SRGAP3: variants seen among roughly 807,000 people sequenced by gnomAD.
SRGAP3 encodes the protein SLIT-ROBO Rho GTPase activating protein 3, also known as SLIT-ROBO Rho GTPase-activating protein 3.
A neutral mutation model predicts 121.1 loss-of-function variants in SRGAP3; 39 were observed. That is an observed-to-expected ratio of 0.32 (90% CI 0.25 to 0.42). The LOEUF is 0.42. Ranked by LOEUF, SRGAP3 falls within the 10% of genes least tolerant of loss-of-function variation. The pLI, the probability that SRGAP3 is intolerant of heterozygous loss-of-function variation, is 1.00. For synonymous variants in SRGAP3, 601 were observed against 570.0 expected (o/e 1.05, Z -0.77); for missense variants, 1,213 against 1,470.6 (o/e 0.82, Z 2.86).
In SRGAP3 at chr3:8,992,834, C is replaced by T. The variant is rs1272250598; in HGVS notation, c.2558+72G>A. On this transcript the variant is annotated intron_variant, in intron 20 of 21. Coordinates refer to ENST00000383836, the MANE Select transcript of SRGAP3 (RefSeq NM_014850.4). ...GTAGGCTCCTTCTCTCCTCTCTGCC[C>T]TTGTGCTTCTCCCAAATCAGACATG... 13 of 1,612,976 alleles carry T rather than the reference C, an allele frequency of 8.1e-6. No homozygotes were observed. In the Admixed American group the frequency reaches 1.7e-4, roughly 21 times the overall value.
At chr3:9,166,779 C>T (rs970866340) in intron 1 of SRGAP3, among the ~76,000 whole-genome samples, 12 of 152,212 alleles carry the variant, frequency 7.9e-5, no homozygotes, top group Admixed American at 5.9e-4. Context: ...ATGACTTCCA[C>T]TCTTGCAGTC....
At chr3:9,058,194 G>A in intron 7 of SRGAP3, 57 bp downstream of exon 7, 3 of 1,566,974 alleles carry the variant, frequency 1.9e-6, no homozygotes, top group Non-Finnish European at 2.6e-6. Context: ...ATGTACTGGA[G>A]CACATGGGGG....
intron 3 of SRGAP3, among the ~76,000 whole-genome samples, chr3:9,289,893 A>C (rs1482926953): frequency 6.6e-5 from 10 of 152,184 alleles, no homozygotes; most frequent in Admixed American, 6.5e-4. Flanking sequence ...AGATCACTTG[A>C]GGTCAGGAGT....
intron 9 of SRGAP3, among the ~76,000 whole-genome samples, chr3:9,052,220 A>G (rs1487055821): frequency 6.6e-6 from 1 of 152,240 alleles, no homozygotes; most frequent in Admixed American, 6.5e-5. Context: ...AAACACTGCC[A>G]TGTAGAATTA....
In SRGAP3 at chr3:8,985,367, C is replaced by T; in HGVS notation, c.*152G>A. The T allele has an allele frequency of 2.1e-6, 3 of 1,411,140 alleles. No homozygotes were observed. Among genetic ancestry groups the T allele is most frequent in the Non-Finnish European group, 2.8e-6 (3 of 1,080,366 alleles). 87.4% of individuals were successfully genotyped at this position (1,411,140 alleles called of 1,614,324 possible). On this transcript the variant is annotated 3_prime_UTR_variant, in exon 22 of 22. Transcript: ENST00000383836. The surrounding 1 kb of genome is among the most constrained non-coding windows in gnomAD (Gnocchi z 5.1). ...ATGGCTGGACGTGAGCTGCAGCCAG[C>T]GCCCGGGCCTCAGCTCTGCACAGAC... is the stretch of plus-strand genomic sequence containing the variant.
chr3:9,134,988 A>C (rs1162424524), intron 1 of SRGAP3, among the ~76,000 whole-genome samples: 3 of 152,182 alleles, frequency 2.0e-5, no homozygotes, highest in Non-Finnish European at 4.4e-5. Flanking sequence ...TGTTGTGAGA[A>C]TGGTATGTGT....
intron 18 of SRGAP3, among the ~76,000 whole-genome samples, chr3:9,002,673 T>A (rs1041680873): frequency 4.6e-5 from 7 of 151,926 alleles, no homozygotes. Context: ...AAAAGATCAA[T>A]GAAATTGACA....
intron 1 of SRGAP3, among the ~76,000 whole-genome samples, chr3:9,154,067 A>G (rs1950314774): frequency 6.6e-6 from 1 of 152,080 alleles, no homozygotes; most frequent in Non-Finnish European, 1.5e-5. Flanking sequence ...ATTTAGGAAA[A>G]TTCAAGAGCT....
chr3:9,065,859 G>A (rs901527399), intron 4 of SRGAP3, among the ~76,000 whole-genome samples: 7 of 152,158 alleles, frequency 4.6e-5, no homozygotes, highest in Middle Eastern at 3.2e-3. Flanking sequence ...ATACCCAGGC[G>A]TGGGATGGAG....
intron 1 of SRGAP3, among the ~76,000 whole-genome samples, chr3:9,167,083 AG>A (rs1236241388): frequency 6.6e-6 from 1 of 152,116 alleles, no homozygotes; most frequent in Non-Finnish European, 1.5e-5. Flanking sequence ...TCTGCGAACC[AG>A]CAGCCTTGAG....
chr3:8,997,785 T>C (rs523684), intron 18 of SRGAP3, among the ~76,000 whole-genome samples: 93,876 of 152,124 alleles, frequency 0.62, 30,242 homozygotes, highest in African/African-American at 0.81. Context: ...CTATCCACCC[T>C]TCTATCCGTC....
At chr3:9,224,146 AAC>A (rs1014663913) in intron 1 of SRGAP3, among the ~76,000 whole-genome samples, 1 of 152,124 alleles carries the variant, frequency 6.6e-6, no homozygotes, top group African/African-American at 2.4e-5. Context: ...TACCTACAGC[AAC>A]AGTCAGGTTT....
chr3:9,119,079 A>G (rs1051770215), intron 2 of SRGAP3, among the ~76,000 whole-genome samples: 2 of 152,214 alleles, frequency 1.3e-5, no homozygotes, highest in Admixed American at 1.3e-4. Context: ...GCCATCTCGG[A>G]GCTTGCAGCC....
intron 1 of SRGAP3, among the ~76,000 whole-genome samples, chr3:9,168,301 T>C (rs1462546353): frequency 6.6e-6 from 1 of 152,226 alleles, no homozygotes; most frequent in Non-Finnish European, 1.5e-5. Context: ...TTTTTGCCAG[T>C]GGCAGGAGCC....
chr3:9,317,574 G>A (rs996825260), intron 3 of SRGAP3, among the ~76,000 whole-genome samples: 6 of 152,222 alleles, frequency 3.9e-5, no homozygotes, highest in African/African-American at 1.4e-4. Context: ...GCTAAAGCTG[G>A]TCAAGTGTCA....
At chr3:9,248,825 C>G (rs942803663) in intron 1 of SRGAP3, 60 bp downstream of exon 1, 1 of 1,554,444 alleles carries the variant, frequency 6.4e-7, no homozygotes, top group Admixed American at 1.7e-5. Flanking sequence ...GGGATGGGAA[C>G]CAGAACAAGA....
Position 9,124,751 on chromosome 3 carries a change from G to A in SRGAP3, c.234C>T (p.Ile78=). 6.2e-7 allele frequency: 1 copy of A among 1,614,158 alleles called. No individual in the cohort carries two copies. Among genetic ancestry groups the A allele is most frequent in the East Asian group, 2.2e-5 (1 of 44,876 alleles). ...TGAACTGGTGCTCCCGGGAGCTGCG[G>A]ATTTTGGAGGAGAAGCGCTCAGCCA... The part of the protein sequence containing the change: ...EKLAERFSSK[I]RSSREHQFKK... The change falls in exon 2 of 22, where the codon ATC becomes ATT. Residue 78 remains isoleucine, a synonymous_variant. Transcript: ENST00000383836.
At chr3:9,127,925 G>C (rs1392077664) in intron 1 of SRGAP3, among the ~76,000 whole-genome samples, 4 of 147,032 alleles carry the variant, frequency 2.7e-5, no homozygotes, top group African/African-American at 7.4e-5. Context: ...GAAAAGAAAA[G>C]AACAGGTGAG....
At chr3:9,322,000 T>C (rs553297184) in intron 3 of SRGAP3, among the ~76,000 whole-genome samples, 3 of 150,936 alleles carry the variant, frequency 2.0e-5, no homozygotes, top group Non-Finnish European at 4.4e-5. Flanking sequence ...TAATAATAAA[T>C]GTTTAAAGAA....
Sources: gnomAD v4.1 joint callset for allele counts (sites outside exome capture counted in the v4.1 genomes callset) on GRCh38, gnomAD v4.1.1 for gene constraint, Gnocchi (gnomAD v3.1) non-coding constraint, MANE v1.5 for transcripts, NCBI Gene and HGNC (gene_info 2026-07-23, HGNC 2026-07-21) for gene names.